Variants in SPATA1 observed in about 807,000 individuals in gnomAD.
SPATA1 encodes spermatogenesis-associated protein 1.
SPATA1 carries 57 observed loss-of-function variants against 59.6 expected under a neutral mutation model. That is an observed-to-expected ratio of 0.96 (90% CI 0.77 to 1.19). The LOEUF (loss-of-function observed/expected upper bound fraction) is 1.19, where lower values mean the gene tolerates loss of function less well. Among genes scored for constraint, SPATA1 ranks in the 50% most tolerant of loss-of-function variants. The probability of loss-of-function intolerance (pLI) is 0.00; values close to 1 mark genes in which losing one functional copy is unlikely to be tolerated. For synonymous variants in SPATA1, 147 were observed against 163.9 expected, an observed-to-expected ratio of 0.90 and a Z score of 0.79; for missense variants, 448 against 480.7, an observed-to-expected ratio of 0.93 and a Z score of 0.64.
intron 4 of SPATA1, chr1:84,563,392 G>C (rs772777295): frequency 6.3e-7 from 1 of 1,574,816 alleles, no homozygotes; most frequent in Non-Finnish European, 8.6e-7. Flanking sequence ...CCCGGAAAGG[G>C]ACTTTTGCAA....
chr1:84,538,493 G>C (rs897392312), intron 8 of SPATA1, among the ~76,000 whole-genome samples: 11 of 152,186 alleles, frequency 7.2e-5, no homozygotes, highest in Non-Finnish European at 1.6e-4. Flanking sequence ...TTAGGGGGTA[G>C]GAGATAAGCT....
intron 2 of SPATA1, among the ~76,000 whole-genome samples, chr1:84,519,195 G>A (rs1682918180): frequency 6.6e-6 from 1 of 151,878 alleles, no homozygotes; most frequent in Non-Finnish European, 1.5e-5. Context: ...TAATCATTTT[G>A]AAACTTGGGA....
chr1:84,555,929 C>T (rs995284357), downstream of SPATA1: 2 of 152,136 alleles, frequency 1.3e-5, no homozygotes, highest in African/African-American at 2.4e-5. Context: ...GTGTGCCTGG[C>T]TAGGAGGTCT....
intron 4 of SPATA1, chr1:84,563,950 T>G (rs1684642131): frequency 1.8e-6 from 2 of 1,100,274 alleles, no homozygotes; most frequent in African/African-American, 3.2e-5. Context: ...TAAAAAACAC[T>G]AATATTGTTT....
At chr1:84,561,819 T>C (rs1238726519) in intron 4 of SPATA1, among the ~76,000 whole-genome samples, 1 of 152,244 alleles carries the variant, frequency 6.6e-6, no homozygotes, top group Non-Finnish European at 1.5e-5. Context: ...AAAGTATTTT[T>C]AAATTAAGGT....
intron 1 of SPATA1, among the ~76,000 whole-genome samples, chr1:84,515,738 A>G (rs1448120461): frequency 6.6e-6 from 1 of 152,158 alleles, no homozygotes; most frequent in Non-Finnish European, 1.5e-5. Context: ...AAAGACTGGC[A>G]TTTTCACCTG....
intron 2 of SPATA1, 30 bp from the exon 3 acceptor site, chr1:84,520,555 T>G (rs1337062278): frequency 1.5e-6 from 2 of 1,316,754 alleles, no homozygotes; most frequent in Admixed American, 3.0e-5. Flanking sequence ...TTAAAAATAT[T>G]TTAACCGATG....
In SPATA1 at chr1:84,533,474, T is replaced by C. The variant is rs143399611; in HGVS notation, c.660-235T>C. Among the ~76,000 whole-genome samples the C allele has an allele frequency of 2.0e-4, 30 of 152,232 alleles. No homozygotes were observed. The East Asian group carries it at 3.3e-3, about 17-fold the overall frequency. ...AAGTAATTTTATCTTGCTATAGATATTGAACTAGAATTTAGCTATAATATA... is the reference window on the plus strand; with the variant it reads ...AAGTAATTTTATCTTGCTATAGATACTGAACTAGAATTTAGCTATAATATA... On this transcript the variant is annotated intron_variant, in intron 7 of 12. Coordinates refer to ENST00000490879, the Ensembl canonical transcript of SPATA1.
rs1682979889 is a variant in SPATA1, at chr1:84,520,508, T to C, written c.37-77T>C. On this transcript the variant is annotated intron_variant, in intron 2 of 12. Coordinates refer to ENST00000490879, the Ensembl canonical transcript of SPATA1. ...TTTTTTCTATTGTGTTTATTAAACT[T>C]AATTCTATAGGACATCAATTGATTT... The C allele has an allele frequency of 4.5e-6, 4 of 881,496 alleles. No homozygotes were observed. The South Asian group carries it at 7.8e-5, about 17-fold the overall frequency. 54.6% of individuals were successfully genotyped at this position (881,496 alleles called of 1,614,324 possible).
At chr1:84,566,142 T>C (rs1462685658) in exon 5 of SPATA1, 2 of 451,832 alleles carry the variant, frequency 4.4e-6, no homozygotes, top group Non-Finnish European at 7.2e-6. Flanking sequence ...TATATGAATG[T>C]AGGGTTTGAC....
chr1:84,532,268 G>C (rs1683502468), intron 6 of SPATA1, among the ~76,000 whole-genome samples: 1 of 152,140 alleles, frequency 6.6e-6, no homozygotes, highest in Admixed American at 6.5e-5. Context: ...GGCCAAGGTG[G>C]GCATATCACC....
intron 1 of SPATA1, among the ~76,000 whole-genome samples, chr1:84,513,666 A>G (rs947544277): frequency 6.6e-6 from 1 of 152,198 alleles, no homozygotes; most frequent in Non-Finnish European, 1.5e-5. Context: ...GTGCTTAGTT[A>G]TAAATATGAA....
chr1:84,565,190 C>A (rs1424897220), intron 4 of SPATA1, among the ~76,000 whole-genome samples: 1 of 151,610 alleles, frequency 6.6e-6, no homozygotes, highest in Admixed American at 6.6e-5. Context: ...TGGAGTGAGA[C>A]CCTGCTCAAA....
chr1:84,529,314 T>G (rs1365700241), intron 6 of SPATA1, among the ~76,000 whole-genome samples: 1 of 151,952 alleles, frequency 6.6e-6, no homozygotes, highest in Non-Finnish European at 1.5e-5. Flanking sequence ...ATAAATATTA[T>G]AAAATCTTTT....
intron 4 of SPATA1, among the ~76,000 whole-genome samples, chr1:84,524,355 C>A (rs1197761085): frequency 6.6e-6 from 1 of 151,898 alleles, no homozygotes; most frequent in Non-Finnish European, 1.5e-5. Context: ...GTCTTCAATG[C>A]CAGATTAGTA....
intron 1 of SPATA1, among the ~76,000 whole-genome samples, chr1:84,515,400 T>C (rs1682752908): frequency 6.8e-6 from 1 of 147,834 alleles, no homozygotes; most frequent in Admixed American, 6.7e-5. Flanking sequence ...TTAGTGGTAC[T>C]TGTTAGGGTT....
chr1:84,549,068 A>C, intron 11 of SPATA1, 104 bp downstream of exon 11: 1 of 1,152,770 alleles, frequency 8.7e-7, no homozygotes, highest in East Asian at 2.8e-5. Flanking sequence ...ACTTTGACTT[A>C]AACTTGCTTA....
chr1:84,526,159 C>A, intron 6 of SPATA1, 86 bp downstream of exon 6: 1 of 1,118,246 alleles, frequency 8.9e-7, no homozygotes, highest in Non-Finnish European at 1.3e-6. Context: ...CTGAGCAAAC[C>A]TAGCCTTACA....
At chr1:84,554,886 T>C (rs1037932172), downstream of SPATA1, 7 of 774,352 alleles carry the variant, frequency 9.0e-6, no homozygotes, top group Admixed American at 8.6e-5. Context: ...TATTTATTCT[T>C]TTTTTTTAGT....
Sources: gnomAD v4.1 joint callset for allele counts (sites outside exome capture counted in the v4.1 genomes callset) on GRCh38, gnomAD v4.1.1 for gene constraint, MANE v1.5 for transcripts, NCBI Gene and HGNC (gene_info 2026-07-23, HGNC 2026-07-21) for gene names.